Variants in LLGL1 observed in about 807,000 individuals in gnomAD.
LLGL1 encodes LLGL scribble cell polarity complex component 1.
A neutral mutation model predicts 110.6 loss-of-function variants in LLGL1; 58 were observed. The observed-to-expected ratio is 0.52, with a 90% CI of 0.42 to 0.65. The LOEUF is 0.65. LLGL1 is among the 30% of genes least tolerant of loss of function. The probability of loss-of-function intolerance (pLI) is 0.00; values close to 1 mark genes in which losing one functional copy is unlikely to be tolerated. For missense variants in LLGL1, 1,229 were observed against 1,462.1 expected (o/e 0.84, Z 2.60); for synonymous variants, 674 against 607.2 (o/e 1.11, Z -1.62).
Position 18,240,975 on chromosome 17 carries a change from C to T in LLGL1, c.2502+102C>T. The T allele has an allele frequency of 8.0e-7, 1 of 1,246,022 alleles. No individual in the cohort carries two copies. Among genetic ancestry groups the T allele is most frequent in the Non-Finnish European group, 1.1e-6 (1 of 918,294 alleles). The allele number at this position is 1,246,022 out of a possible 1,614,324, so 77.2% of individuals were successfully genotyped here. A position where few individuals can be genotyped will look rare whatever the true frequency, so the allele number is the denominator to read the frequency against. On this transcript the variant is annotated intron_variant, in intron 17 of 22. Coordinates refer to ENST00000316843, the MANE Select transcript of LLGL1 (RefSeq NM_004140.4). The surrounding 1 kb of genome is among the most constrained non-coding windows in gnomAD (Gnocchi z 5.3). ...CAAGAAACCCTTCCTGCCTGTATCC[C>T]CCACTGTTGGGACCCTAATTCCCTT...
intron 4 of LLGL1, 46 bp downstream of exon 4, chr17:18,232,848 TGGGGGAGGCTGTGGGA>T: frequency 6.2e-7 from 1 of 1,610,492 alleles, no homozygotes; most frequent in Non-Finnish European, 8.5e-7. Flanking sequence ...AGGGAGGATC[TGGGGGAGGCTGTGGGA>T]ACCTGCTGTG....
rs1213034265 is a variant in LLGL1 at position 18,235,540 on chromosome 17, A to G, written c.1352+3A>G. 6.2e-7 allele frequency: 1 copy of G among 1,613,072 alleles called. No individual in the cohort carries two copies. Among genetic ancestry groups the G allele is most frequent in the Non-Finnish European group, 8.5e-7 (1 of 1,179,608 alleles). On this transcript the variant is annotated splice_donor_region_variant and intron_variant, in intron 11 of 22. Coordinates refer to ENST00000316843, the MANE Select transcript of LLGL1 (RefSeq NM_004140.4). ...CAGCGAGGGCTGCTGCTGACGGGGT[A>G]GGTGTGCGTGCTTATGTGGGTGAGT...
chr17:18,225,710 G>T lies in LLGL1; in HGVS notation c.28G>T (p.Gly10Cys). Reference protein sequence around the residue: MMKFRFRRQGADPQREKLKQ... With the variant: MMKFRFRRQCADPQREKLKQ... ...GATGAAGTTTCGGTTCCGGCGGCAGGGCGCCGACCCGCAGCGCGAGAAGCT... is the reference window on the plus strand; with the variant it reads ...GATGAAGTTTCGGTTCCGGCGGCAGTGCGCCGACCCGCAGCGCGAGAAGCT... Residue 10 changes from glycine to cysteine, a missense_variant, in exon 1 of 23, where the codon GGC (glycine) becomes TGC (cysteine). Physicochemically the swap from Gly to Cys is radical, Grantham distance 159. Transcript: ENST00000316843. 9.5e-7 allele frequency: 1 copy of T among 1,055,700 alleles called. No individual in the cohort carries two copies. The highest frequency in any genetic ancestry group is 2.8e-5 in the South Asian group (1 of 36,362). 65.4% of individuals were successfully genotyped at this position (1,055,700 alleles called of 1,614,324 possible). A position where few individuals can be genotyped will look rare whatever the true frequency, so the allele number is the denominator to read the frequency against.
Position 18,234,027 on chromosome 17 carries a change from A to G in LLGL1, c.566A>G (p.Tyr189Cys). ...GEVLRSVPDD[Y>C]RCGKALGPVE... ...TTCCTCCACAGCGTGCCAGACGACT[A>G]CCGCTGTGGGAAGGCACTGGGCCCC... Residue 189 changes from tyrosine to cysteine, a missense_variant, in exon 6 of 23, where the codon TAC becomes TGC. Coordinates refer to ENST00000316843, the MANE Select transcript of LLGL1 (RefSeq NM_004140.4). 3.1e-6 allele frequency: 5 copies of G among 1,593,782 alleles called. No homozygotes were observed. Among genetic ancestry groups the G allele is most frequent in the Non-Finnish European group, 4.3e-6 (5 of 1,166,570 alleles).
In LLGL1 at chr17:18,237,659, C is replaced by T. The variant is rs571000675; in HGVS notation, c.1790C>T (p.Pro597Leu). ...FQPRVLVQCL[P>L]PAAVTAVTLH... ...CCCCGTGTCCTGGTGCAGTGCCTGC[C>T]GCCAGCTGCTGTAACCGCTGTCACA... Residue 597 changes from proline (P) to leucine (L), a missense_variant, in exon 14 of 23, where the codon CCG (proline) becomes CTG (leucine). Physicochemically the swap from Pro to Leu is moderately conservative, Grantham distance 98. Coordinates refer to ENST00000316843, the MANE Select transcript of LLGL1 (RefSeq NM_004140.4). 2.5e-6 allele frequency: 4 copies of T among 1,612,344 alleles called. No homozygotes were observed. The highest frequency in any genetic ancestry group is 2.7e-5 in the African/African-American group (2 of 75,042).
rs2047922794 is a variant in LLGL1, at chr17:18,244,154, G to T, written c.*248G>T. Reference sequence around the variant, plus strand: ...GGCTGCCCTGGGGGCCCACTGCCTAGGGAAGAGGACAGGTGGGGCCCAGCA... The same window carrying T: ...GGCTGCCCTGGGGGCCCACTGCCTATGGAAGAGGACAGGTGGGGCCCAGCA... On this transcript the variant is annotated 3_prime_UTR_variant, in exon 23 of 23. Transcript: ENST00000316843. The T allele has an allele frequency of 1.3e-5, 2 of 152,244 alleles. No homozygotes were observed. The highest frequency in any genetic ancestry group is 1.3e-4 in the Admixed American group (2 of 15,284). The allele number at this position is 152,244 out of a possible 1,614,324, so 9.4% of individuals were successfully genotyped here. A position where few individuals can be genotyped will look rare whatever the true frequency, so the allele number is the denominator to read the frequency against.
Position 18,226,719 on chromosome 17 carries a change from C to T in LLGL1, c.81+956C>T, listed in dbSNP as rs562965146. Reference sequence around the variant, plus strand: ...AGGTGGAGGCTTTTCCTTCCTTTCCCGGAGTGGGACACTAGGGGCCAGGGA... The same window carrying T: ...AGGTGGAGGCTTTTCCTTCCTTTCCTGGAGTGGGACACTAGGGGCCAGGGA... On this transcript the variant is annotated intron_variant, in intron 1 of 22. Transcript: ENST00000316843. Among the ~76,000 whole-genome samples, 26 of 152,340 alleles carry T rather than the reference C, an allele frequency of 1.7e-4. No individual in the cohort carries two copies. In the East Asian group the frequency reaches 2.9e-3, roughly 17 times the overall value.
rs761920223 is a variant in LLGL1, at chr17:18,238,519, G to A, written c.2116G>A (p.Val706Met). Residue 706 changes from valine (V) to methionine (M), a missense_variant, in exon 16 of 23, where the codon GTG becomes ATG. Transcript: ENST00000316843. ...CCCCCACGACGTGGAGATGACGCCC[G>A]TGCAGCGCCGCATTGAGCCCCGCTC... ...ACPHDVEMTP[V>M]QRRIEPRSAD... The A allele has an allele frequency of 2.5e-5, 40 of 1,612,596 alleles. No individual in the cohort carries two copies. The highest frequency in any genetic ancestry group is 2.2e-5 in the East Asian group (1 of 44,898).
intron 11 of LLGL1, 25 bp from the exon 12 acceptor site, chr17:18,236,582 G>T (rs2746028): frequency 0.42 from 661,937 of 1,592,192 alleles, 141,794 homozygotes; most frequent in East Asian, 0.64. Flanking sequence ...AACTCGGGTA[G>T]CCCTGACATC....
Position 18,235,250 on chromosome 17 carries a change from C to T in LLGL1, c.1222C>T (p.Leu408=). ...CCACGTGGCCAGTGTCCCCGCCAAG[C>T]TGTGGGCCCGCATTGTGAGCGCTGG... is the stretch of plus-strand genomic sequence containing the variant. ...SAHVASVPAK[L]WARIVSAGEQ... Residue 408 remains leucine, a synonymous_variant, in exon 10 of 23, where the codon CTG becomes TTG. Coordinates refer to ENST00000316843, the MANE Select transcript of LLGL1 (RefSeq NM_004140.4). The T allele has an allele frequency of 1.2e-6, 2 of 1,610,832 alleles. No individual in the cohort carries two copies. Among genetic ancestry groups the T allele is most frequent in the Non-Finnish European group, 8.5e-7 (1 of 1,180,024 alleles).
intron 4 of LLGL1, 37 bp downstream of exon 4, chr17:18,232,839 G>A (rs2047599005): frequency 6.2e-7 from 1 of 1,612,320 alleles, no homozygotes; most frequent in Non-Finnish European, 8.5e-7. Context: ...CCACCGGGCA[G>A]GGAGGATCTG....
rs2047673799 is a variant in LLGL1 at position 18,235,516 on chromosome 17, A to T, written c.1331A>T (p.Gln444Leu). Residue 444 changes from glutamine (Q) to leucine (L), a missense_variant, in exon 11 of 23, where the codon CAG becomes CTG. Gln to Leu is a moderately radical substitution (Grantham distance 113). Coordinates refer to ENST00000316843, the MANE Select transcript of LLGL1 (RefSeq NM_004140.4). ...CGAAACCTGGCCCAGGAGCCGTCAC[A>T]GCGAGGGCTGCTGCTGACGGGGTAG... The part of the protein sequence containing the change: ...GGRNLAQEPS[Q>L]RGLLLTGHED... The T allele has an allele frequency of 6.2e-7, 1 of 1,613,834 alleles. No homozygotes were observed. The highest frequency in any genetic ancestry group is 1.3e-5 in the African/African-American group (1 of 74,936).
Position 18,236,682 on chromosome 17 carries a change from T to C in LLGL1, c.1428T>C (p.Ala476=). ...GGCCGCTCTATAAGCTGAGCACAGC[T>C]GGCCTCTTCCAGACAGACTGTGAGC... The part of the protein sequence containing the change: ...ALRPLYKLST[A]GLFQTDCEHA... Residue 476 remains alanine, a synonymous_variant, in exon 12 of 23, where the codon GCT becomes GCC. Transcript: ENST00000316843. 1.2e-6 allele frequency: 2 copies of C among 1,612,834 alleles called. No homozygotes were observed. The highest frequency in any genetic ancestry group is 1.7e-6 in the Non-Finnish European group (2 of 1,179,978).
rs1450773870 is a variant in LLGL1 at position 18,240,283 on chromosome 17, T to C, written c.2207-295T>C. On this transcript the variant is annotated intron_variant, in intron 16 of 22. Coordinates refer to ENST00000316843, the MANE Select transcript of LLGL1 (RefSeq NM_004140.4). The surrounding 1 kb of genome is among the most constrained non-coding windows in gnomAD (Gnocchi z 5.3). The stretch of plus-strand genomic sequence containing the variant: ...AGTGGGATGGGGCTGGAGGTCTGGT[T>C]TGGGTGCCCATCAGCATTCTGTGCA... Among the ~76,000 whole-genome samples, 1 of 152,006 alleles carries C rather than the reference T, an allele frequency of 6.6e-6. No homozygotes were observed. Among genetic ancestry groups the C allele is most frequent in the Non-Finnish European group, 1.5e-5 (1 of 67,990 alleles).
At chr17:18,241,860 ACTC>A (rs753232526) in intron 18 of LLGL1, 22 bp from the exon 19 acceptor site, 1 of 1,603,956 alleles carries the variant, frequency 6.2e-7, no homozygotes, top group Non-Finnish European at 8.5e-7. Flanking sequence ...TTCTAACTGC[ACTC>A]CTCATTCTTC....
Position 18,237,708 on chromosome 17 carries a change from G to C in LLGL1, c.1839G>C (p.Val613=). Reference sequence around the variant, plus strand: ...CACTCCACACCGAGTGGAGCCTCGTGGCTTTTGGCACCAGTCATGGCTTTG... The same window carrying C: ...CACTCCACACCGAGTGGAGCCTCGTCGCTTTTGGCACCAGTCATGGCTTTG... ...AVTLHTEWSL[V]AFGTSHGFGL... Residue 613 remains valine (V), a synonymous_variant, in exon 14 of 23, where the codon GTG becomes GTC. Coordinates refer to ENST00000316843, the MANE Select transcript of LLGL1 (RefSeq NM_004140.4). 1 of 1,613,050 alleles carries C rather than the reference G, an allele frequency of 6.2e-7. No homozygotes were observed. Among genetic ancestry groups the C allele is most frequent in the Non-Finnish European group, 8.5e-7 (1 of 1,179,978 alleles).
Position 18,229,930 on chromosome 17 carries a change from C to G in LLGL1, c.82-11C>G. On this transcript the variant is annotated splice_polypyrimidine_tract_variant and intron_variant, in intron 1 of 22. Transcript: ENST00000316843. The stretch of plus-strand genomic sequence containing the variant: ...GAGTGCTTACCCCCAGCAGCCCTCC[C>G]CTCCTTGCAGACTGTGGAGCATGGC... 1 of 1,598,096 alleles carries G rather than the reference C, an allele frequency of 6.3e-7. No homozygotes were observed. The highest frequency in any genetic ancestry group is 8.5e-7 in the Non-Finnish European group (1 of 1,172,608).
At chr17:18,228,832 GCTTGGAGAGTACTGAGT>G (rs1391873952) in intron 1 of LLGL1, among the ~76,000 whole-genome samples, 1 of 152,102 alleles carries the variant, frequency 6.6e-6, no homozygotes. Flanking sequence ...AGAGACTGAA[GCTTGGAGAGTACTGAGT>G]CTTGGAGAGT....
At chr17:18,242,940 C>T in intron 22 of LLGL1, 118 bp downstream of exon 22, 1 of 972,306 alleles carries the variant, frequency 1.0e-6, no homozygotes, top group Non-Finnish European at 1.5e-6. Flanking sequence ...CATGTGATGG[C>T]ACTCTCTGAA....
Sources: allele counts gnomAD v4.1 joint callset (sites outside exome capture counted in the v4.1 genomes callset), GRCh38; gene constraint gnomAD v4.1.1; non-coding constraint Gnocchi (gnomAD v3.1); transcripts MANE v1.5; gene names NCBI Gene and HGNC (gene_info 2026-07-23, HGNC 2026-07-21).